The following GPC2 variants were observed in gnomAD, a reference collection of about 807,000 sequenced individuals.
GPC2 encodes glypican 2.
A neutral mutation model predicts 57.3 loss-of-function variants in GPC2; 42 were observed. That is an observed-to-expected ratio of 0.73 (90% CI 0.57 to 0.95). The LOEUF (loss-of-function observed/expected upper bound fraction) is 0.95, where lower values mean the gene tolerates loss of function less well. Among genes scored for constraint, GPC2 ranks in the 40% least tolerant of loss-of-function variants. The pLI, the probability that GPC2 is intolerant of heterozygous loss-of-function variation, is 0.00. For synonymous variants in GPC2, 364 were observed against 343.4 expected (o/e 1.06, Z -0.66); for missense variants, 745 against 793.6 (o/e 0.94, Z 0.74).
At chr7:100,175,926 A>G (rs1799264652) in intron 2 of GPC2, 32 bp from the exon 3 acceptor site, 3 of 1,585,462 alleles carry the variant, frequency 1.9e-6, no homozygotes, top group Non-Finnish European at 2.6e-6. Flanking sequence ...GGTGGAAGGC[A>G]GGTCAGGCCA....
At position 100,171,639 on chromosome 7, in the gene GPC2, A is replaced by C; in HGVS notation, c.1210T>G (p.Phe404Val). 6.5e-7 allele frequency: 1 copy of C among 1,529,128 alleles called. No homozygotes were observed. 94.7% of individuals were successfully genotyped at this position (1,529,128 alleles called of 1,614,324 possible). A position where few individuals can be genotyped will look rare whatever the true frequency, so the allele number is the denominator to read the frequency against. The change falls in exon 8 of 10, where the codon TTC becomes GTC. Residue 404 changes from phenylalanine to valine, a missense_variant. Physicochemically the swap from Phe to Val is conservative, Grantham distance 50. This residue lies in a region of GPC2 where 607 missense variants were observed against 603.9 expected (regional missense o/e 1.01). Transcript: ENST00000292377. This position sits in a 1 kb window ranked among gnomAD's most constrained non-coding sequence, Gnocchi z 4.8. ...LRERLARMRG[F>V]WARLSLTVCG... ...ACCGTCAGGGACAGCCGGGCCCAGAAGCCCCGCATCCGGGCCAGACGCTCG... is the reference window on the plus strand; with the variant it reads ...ACCGTCAGGGACAGCCGGGCCCAGACGCCCCGCATCCGGGCCAGACGCTCG...
At chr7:100,172,696 T>C (rs1799200976) in intron 5 of GPC2, among the ~76,000 whole-genome samples, 1 of 147,594 alleles carries the variant, frequency 6.8e-6, no homozygotes, top group Non-Finnish European at 1.5e-5. Context: ...TATATATATA[T>C]ACGTGTATAT....
Position 100,171,053 on chromosome 7 carries a change from C to A in GPC2, c.1486+208G>T, listed in dbSNP as rs1799167571. The A allele has an allele frequency of 4.3e-6, 2 of 468,806 alleles. No homozygotes were observed. The highest frequency in any genetic ancestry group is 3.7e-6 in the Non-Finnish European group (1 of 270,558). 29.0% of individuals were successfully genotyped at this position (468,806 alleles called of 1,614,324 possible). A position where few individuals can be genotyped will look rare whatever the true frequency, so the allele number is the denominator to read the frequency against. ...CTGTTCTTTAAGAATGTTTTCGTGT[C>A]TCCCCTACTGGCCTGAAAGGATACA... On this transcript the variant is annotated intron_variant, in intron 9 of 9. Coordinates refer to ENST00000292377, the MANE Select transcript of GPC2 (RefSeq NM_152742.3). This position sits in a 1 kb window ranked among gnomAD's most constrained non-coding sequence, Gnocchi z 4.8.
Position 100,170,143 on chromosome 7 carries a change from C to T in GPC2, c.*87G>A. The T allele has an allele frequency of 7.3e-7, 1 of 1,377,738 alleles. No homozygotes were observed. The highest frequency in any genetic ancestry group is 9.7e-7 in the Non-Finnish European group (1 of 1,029,232). The allele number at this position is 1,377,738 out of a possible 1,614,324, so 85.3% of individuals were successfully genotyped here. On this transcript the variant is annotated 3_prime_UTR_variant, in exon 10 of 10. Transcript: ENST00000292377. ...GTCCCTTCTCTACCCTCTCTGCAGCCCCCTTCGACTCCTCCCCAGGCCCAG... is the reference window on the plus strand; with the variant it reads ...GTCCCTTCTCTACCCTCTCTGCAGCTCCCTTCGACTCCTCCCCAGGCCCAG...
intron 5 of GPC2, among the ~76,000 whole-genome samples, chr7:100,172,659 G>GTATATATAGATATGTGTGTGTGTGTGTA (rs1799199003): frequency 4.6e-5 from 6 of 130,238 alleles, no homozygotes; most frequent in Admixed American, 2.4e-4. Flanking sequence ...ATGTGTGTGT[G>GTATATATAGATATGTGTGTGTGTGTGTA]TATATATATA....
At position 100,171,606 on chromosome 7, in the gene GPC2, C is replaced by A. The variant is rs767349698; in HGVS notation, c.1243G>T (p.Asp415Tyr). ...WARLSLTVCG[D>Y]SRMAADASLE... ...GAGGCGTCCGCTGCCATGCGAGAGTCTCCGCACACCGTCAGGGACAGCCGG... is the reference window on the plus strand; with the variant it reads ...GAGGCGTCCGCTGCCATGCGAGAGTATCCGCACACCGTCAGGGACAGCCGG... Residue 415 changes from aspartate to tyrosine, a missense_variant, in exon 8 of 10, where the codon GAC (aspartate) becomes TAC (tyrosine). Transcript: ENST00000292377. This position sits in a 1 kb window ranked among gnomAD's most constrained non-coding sequence, Gnocchi z 4.8. 1 of 1,530,826 alleles carries A rather than the reference C, an allele frequency of 6.5e-7. No individual in the cohort carries two copies. Among genetic ancestry groups the A allele is most frequent in the Admixed American group, 2.0e-5 (1 of 50,554 alleles). 94.8% of individuals were successfully genotyped at this position (1,530,826 alleles called of 1,614,324 possible).
chr7:100,171,612 A>T lies in GPC2; in HGVS notation c.1237T>A (p.Cys413Ser). 1 of 1,533,108 alleles carries T rather than the reference A, an allele frequency of 6.5e-7. No homozygotes were observed. Among genetic ancestry groups the T allele is most frequent in the Non-Finnish European group, 8.7e-7 (1 of 1,153,078 alleles). 95.0% of individuals were successfully genotyped at this position (1,533,108 alleles called of 1,614,324 possible). The change falls in exon 8 of 10, where the codon TGC becomes AGC. Residue 413 changes from cysteine to serine, a missense_variant. By Grantham distance (112) the Cys-to-Ser change is moderately radical. This residue lies in a region of GPC2 where 607 missense variants were observed against 603.9 expected (regional missense o/e 1.01). Coordinates refer to ENST00000292377, the MANE Select transcript of GPC2 (RefSeq NM_152742.3). The surrounding 1 kb of genome is among the most constrained non-coding windows in gnomAD (Gnocchi z 4.8). ...TCCGCTGCCATGCGAGAGTCTCCGC[A>T]CACCGTCAGGGACAGCCGGGCCCAG... is the stretch of plus-strand genomic sequence containing the variant. ...GFWARLSLTV[C>S]GDSRMAADAS...
chr7:100,172,647 A>ATGCGTGTGTG (rs753998496), intron 5 of GPC2, among the ~76,000 whole-genome samples: 1 of 131,250 alleles, frequency 7.6e-6, no homozygotes, highest in Non-Finnish European at 1.6e-5. Flanking sequence ...GTATATATAT[A>ATGCGTGTGTG]TATGTGTGTG....
At chr7:100,174,502 G>A (rs750122028) in intron 4 of GPC2, 183 bp downstream of exon 4, 27 of 686,420 alleles carry the variant, frequency 3.9e-5, no homozygotes, top group Middle Eastern at 3.3e-4. Flanking sequence ...ATCATGGATC[G>A]TGGACCATTG....
At chr7:100,170,965 TC>T in intron 9 of GPC2, 1 of 325,032 alleles carries the variant, frequency 3.1e-6, no homozygotes, top group South Asian at 7.1e-5. Context: ...CTTCCCAGCC[TC>T]CCCCAAATTG....
In GPC2 at chr7:100,171,578, A is replaced by G. The variant is rs1446619017; in HGVS notation, c.1271T>C (p.Leu424Pro). Residue 424 changes from leucine (L) to proline (P), a missense_variant, in exon 8 of 10, where the codon CTG (leucine) becomes CCG (proline). Leu to Pro is a moderately conservative substitution (Grantham distance 98). Around this residue, in one of 2 missense-constraint regions of GPC2, gnomAD observed 607 missense variants for 603.9 expected, o/e 1.01. Coordinates refer to ENST00000292377, the MANE Select transcript of GPC2 (RefSeq NM_152742.3). This position sits in a 1 kb window ranked among gnomAD's most constrained non-coding sequence, Gnocchi z 4.8. ...GDSRMAADAS[L>P]EAAPCWTGAG... ...TCCGGTCCAGCAGGGCGCCGCCTCC[A>G]GCGAGGCGTCCGCTGCCATGCGAGA... is the stretch of plus-strand genomic sequence containing the variant. 4.0e-6 allele frequency: 6 copies of G among 1,506,298 alleles called. No homozygotes were observed. The highest frequency in any genetic ancestry group is 5.3e-6 in the Non-Finnish European group (6 of 1,139,190). 93.3% of individuals were successfully genotyped at this position (1,506,298 alleles called of 1,614,324 possible).
intron 9 of GPC2, among the ~76,000 whole-genome samples, chr7:100,170,713 G>C (rs1370069672): frequency 6.6e-6 from 1 of 151,704 alleles, no homozygotes; most frequent in African/African-American, 2.4e-5. Flanking sequence ...GGGAGACAGT[G>C]AGACAGAGAG....
At position 100,172,072 on chromosome 7, in the gene GPC2, T is replaced by C. The variant is rs762025652; in HGVS notation, c.1023+15A>G. On this transcript the variant is annotated intron_variant, in intron 6 of 9. Coordinates refer to ENST00000292377, the MANE Select transcript of GPC2 (RefSeq NM_152742.3). ...CCCGCCCCGGGCCTCACCTCCACCC[T>C]TCTCTCCCCTGTACCTGGGCGGACA... 6 of 1,613,002 alleles carry C rather than the reference T, an allele frequency of 3.7e-6. No individual in the cohort carries two copies. The highest frequency in any genetic ancestry group is 5.1e-6 in the Non-Finnish European group (6 of 1,179,398).
At chr7:100,174,307 T>A in intron 4 of GPC2, 1 of 512,400 alleles carries the variant, frequency 2.0e-6, no homozygotes, top group Non-Finnish European at 3.5e-6. Flanking sequence ...GGAGGTCAGG[T>A]AGAGGATGGG....
chr7:100,174,476 G>A (rs917235994), intron 4 of GPC2: 3 of 659,294 alleles, frequency 4.6e-6, no homozygotes, highest in African/African-American at 1.8e-5. Flanking sequence ...CCACAGAGGG[G>A]AGGAGGGGGT....
At chr7:100,172,689 A>ATATATG (rs1799200647) in intron 5 of GPC2, among the ~76,000 whole-genome samples, 1 of 106,634 alleles carries the variant, frequency 9.4e-6, no homozygotes, top group Non-Finnish European at 2.3e-5. Context: ...GTGTGTGTAT[A>ATATATG]TATATATACG....
In GPC2 at chr7:100,177,320, C is replaced by G. The variant is rs922219778; in HGVS notation, c.-121G>C. 23 of 826,320 alleles carry G rather than the reference C, an allele frequency of 2.8e-5. 1 individual carries two copies. The Admixed American group carries it at 6.6e-4, about 24-fold the overall frequency. The allele number at this position is 826,320 out of a possible 1,614,324, so 51.2% of individuals were successfully genotyped here. A position where few individuals can be genotyped will look rare whatever the true frequency, so the allele number is the denominator to read the frequency against. ...GCGGGCCAGAGAAAGAGCGCTGCTC[C>G]GGAAAACTGAATACCGAGCACGATA... On this transcript the variant is annotated 5_prime_UTR_variant, in exon 1 of 10. Transcript: ENST00000292377.
rs755104316 is a variant in GPC2 at position 100,170,200 on chromosome 7, C to T, written c.*30G>A. The T allele has an allele frequency of 6.6e-7, 1 of 1,526,582 alleles. No individual in the cohort carries two copies. Among genetic ancestry groups the T allele is most frequent in the Non-Finnish European group, 8.8e-7 (1 of 1,132,956 alleles). 94.6% of individuals were successfully genotyped at this position (1,526,582 alleles called of 1,614,324 possible). On this transcript the variant is annotated 3_prime_UTR_variant, in exon 10 of 10. Transcript: ENST00000292377. Reference sequence around the variant, plus strand: ...GGGGAGGAGGGGAAAGGGCCATGAACCCTTCTGATGCTAGGGCACCCCTCC... The same window carrying T: ...GGGGAGGAGGGGAAAGGGCCATGAATCCTTCTGATGCTAGGGCACCCCTCC...
intron 3 of GPC2, among the ~76,000 whole-genome samples, 158 bp from the exon 4 acceptor site, chr7:100,174,923 G>GC (rs920045245): frequency 3.3e-5 from 5 of 152,138 alleles, no homozygotes; most frequent in Non-Finnish European, 7.4e-5. Flanking sequence ...AGGTTCAAGA[G>GC]CCCCCACAGG....
Sources: allele counts gnomAD v4.1 joint callset (sites outside exome capture counted in the v4.1 genomes callset), GRCh38; gene constraint gnomAD v4.1.1; regional missense constraint gnomAD v4.1.1; non-coding constraint Gnocchi (gnomAD v3.1); transcripts MANE v1.5; gene names NCBI Gene and HGNC (gene_info 2026-07-23, HGNC 2026-07-21).